The following ZBTB20 variants were observed in gnomAD, a reference collection of about 807,000 sequenced individuals.
ZBTB20 encodes the protein zinc finger and BTB domain containing 20.
A neutral mutation model predicts 56.9 loss-of-function variants in ZBTB20; 9 were observed. The observed-to-expected ratio is 0.16, with a 90% CI of 0.10 to 0.28. The LOEUF is 0.28. Ranked by LOEUF, ZBTB20 falls within the 10% of genes least tolerant of loss-of-function variation. The probability of loss-of-function intolerance (pLI) is 1.00; values close to 1 mark genes in which losing one functional copy is unlikely to be tolerated. For synonymous variants in ZBTB20, 417 were observed against 420.7 expected, an observed-to-expected ratio of 0.99 and a Z score of 0.11; for missense variants, 655 against 1,003.0, an observed-to-expected ratio of 0.65 and a Z score of 4.69.
rs865865092 is a variant in ZBTB20 at position 114,347,098 on chromosome 3, T to G, written c.1804+3176A>C. Among the ~76,000 whole-genome samples the G allele has an allele frequency of 3.2e-4, 44 of 139,518 alleles. 1 individual carries two copies. Among genetic ancestry groups the G allele is most frequent in the African/African-American group, 9.1e-4 (34 of 37,430 alleles). 91.5% of individuals were successfully genotyped at this position (139,518 alleles called of 152,430 possible). A position where few individuals can be genotyped will look rare whatever the true frequency, so the allele number is the denominator to read the frequency against. ...TCAGGTTTTTTTTTTTTTTTTTTTT[T>G]TTTTTTTTTTTTAAGAGATAGGTAC... On this transcript the variant is annotated intron_variant, in intron 11 of 11. Coordinates refer to ENST00000675478, the MANE Select transcript of ZBTB20 (RefSeq NM_001348800.3).
chr3:114,454,600 C>T (rs2091891320), intron 7 of ZBTB20: 1 of 151,890 alleles, frequency 6.6e-6, no homozygotes, highest in Admixed American at 6.6e-5. Flanking sequence ...GCTAATCAGT[C>T]AGGAGTTCTC....
chr3:114,740,950 A>G (rs1308940446), intron 5 of ZBTB20, among the ~76,000 whole-genome samples: 1 of 152,188 alleles, frequency 6.6e-6, no homozygotes, highest in African/African-American at 2.4e-5. Flanking sequence ...GAAATACGAA[A>G]CTTTAGATAA....
intron 2 of ZBTB20, among the ~76,000 whole-genome samples, chr3:115,012,041 T>C (rs556859430): frequency 1.7e-4 from 26 of 151,866 alleles, no homozygotes; most frequent in African/African-American, 5.8e-4. Context: ...TGTGGTAACT[T>C]AAACTTTAAA....
chr3:114,469,010 CAAAA>C (rs1164804884), intron 7 of ZBTB20, among the ~76,000 whole-genome samples: 27 of 67,050 alleles, frequency 4.0e-4, no homozygotes, highest in African/African-American at 1.0e-3. Flanking sequence ...TCAAGAGAAG[CAAAA>C]AAAAAAAAAA....
intron 5 of ZBTB20, among the ~76,000 whole-genome samples, chr3:114,705,877 T>C (rs1024568771): frequency 1.3e-5 from 2 of 152,218 alleles, no homozygotes; most frequent in African/African-American, 4.8e-5. Context: ...TACTGATCCA[T>C]ACATGCAGCT....
chr3:114,483,316 T>C (rs2041755638), intron 7 of ZBTB20, among the ~76,000 whole-genome samples: 1 of 152,026 alleles, frequency 6.6e-6, no homozygotes, highest in Non-Finnish European at 1.5e-5. Context: ...GCTTCAAATA[T>C]GCAGAAAACT....
At chr3:114,619,221 G>A (rs892826189) in intron 6 of ZBTB20, among the ~76,000 whole-genome samples, 5 of 152,084 alleles carry the variant, frequency 3.3e-5, no homozygotes, top group Non-Finnish European at 5.9e-5. Context: ...TCAGTTTTTG[G>A]CATTTCTATG....
At chr3:114,520,992 G>A (rs1381121224) in intron 6 of ZBTB20, among the ~76,000 whole-genome samples, 1 of 151,996 alleles carries the variant, frequency 6.6e-6, no homozygotes, top group African/African-American at 2.4e-5. Context: ...AACCAAAGGA[G>A]GCCTTTTTTG....
chr3:114,782,106 G>C (rs1169703056), intron 5 of ZBTB20, among the ~76,000 whole-genome samples: 2 of 152,154 alleles, frequency 1.3e-5, no homozygotes, highest in Admixed American at 1.3e-4. Flanking sequence ...GAAAGTGGAG[G>C]TGCTGGCTCT....
chr3:114,825,227 T>C (rs1356246815), intron 4 of ZBTB20, among the ~76,000 whole-genome samples: 2 of 151,934 alleles, frequency 1.3e-5, no homozygotes, highest in Admixed American at 6.6e-5. Context: ...TTCTCTTTGA[T>C]ATAAATTGCA....
chr3:114,649,936 A>G (rs925521232), intron 6 of ZBTB20, among the ~76,000 whole-genome samples: 3 of 151,924 alleles, frequency 2.0e-5, no homozygotes, highest in African/African-American at 7.2e-5. Flanking sequence ...ATTTATATAC[A>G]CTAATATTAT....
At chr3:115,093,824 C>A (rs1262937385) in intron 1 of ZBTB20, among the ~76,000 whole-genome samples, 2 of 152,136 alleles carry the variant, frequency 1.3e-5, no homozygotes, top group Admixed American at 1.3e-4. Context: ...CTTCTATGAT[C>A]TTCTTTGGTG....
intron 7 of ZBTB20, among the ~76,000 whole-genome samples, chr3:114,416,665 C>T (rs2088593998): frequency 6.6e-6 from 1 of 151,994 alleles, no homozygotes; most frequent in African/African-American, 2.4e-5. Context: ...ATTTTAGCAG[C>T]TCAGCTGCAG....
At chr3:114,511,058 T>C (rs2045315108) in intron 6 of ZBTB20, among the ~76,000 whole-genome samples, 1 of 146,960 alleles carries the variant, frequency 6.8e-6, no homozygotes, top group Non-Finnish European at 1.5e-5. Context: ...CTTGTCAACA[T>C]GATGAAACTG....
intron 11 of ZBTB20, among the ~76,000 whole-genome samples, chr3:114,345,643 A>G (rs938683831): frequency 7.2e-5 from 11 of 152,020 alleles, no homozygotes; most frequent in Non-Finnish European, 1.5e-4. Context: ...AGCATGAACC[A>G]GGGCTTGTTA....
intron 3 of ZBTB20, among the ~76,000 whole-genome samples, chr3:114,928,383 TCAAGGTTCTTCAATGATGGAGAACCTC>T (rs2076234971): frequency 6.7e-6 from 1 of 149,614 alleles, no homozygotes; most frequent in African/African-American, 2.4e-5. Context: ...ATGGAGAACC[TCAAGGTTCTTCAATGATGGAGAACCTC>T]AAGGTTCTTC....
At chr3:114,414,087 T>G (rs188410754) in intron 7 of ZBTB20, among the ~76,000 whole-genome samples, 1 of 152,228 alleles carries the variant, frequency 6.6e-6, no homozygotes, top group East Asian at 1.9e-4. Flanking sequence ...CAGCTCTCAT[T>G]AAGAGGGAAC....
chr3:115,143,051 T>G (rs746319305), intron 1 of ZBTB20, among the ~76,000 whole-genome samples: 2 of 152,220 alleles, frequency 1.3e-5, no homozygotes, highest in Non-Finnish European at 2.9e-5. Flanking sequence ...TTGAGAACTA[T>G]GAACTAGGTT....
At chr3:114,605,708 T>C (rs1361486609) in intron 6 of ZBTB20, among the ~76,000 whole-genome samples, 1 of 152,158 alleles carries the variant, frequency 6.6e-6, no homozygotes, top group Non-Finnish European at 1.5e-5. Context: ...CTCTGACTTT[T>C]AATGAGGAGG....
Sources: gnomAD v4.1 joint callset for allele counts (sites outside exome capture counted in the v4.1 genomes callset) on GRCh38, gnomAD v4.1.1 for gene constraint, MANE v1.5 for transcripts, NCBI Gene and HGNC (gene_info 2026-07-23, HGNC 2026-07-21) for gene names.